NUP133: variants seen among roughly 807,000 people sequenced by gnomAD.
NUP133 encodes the protein nuclear pore complex protein Nup133.
Under a neutral mutation model 146.2 loss-of-function variants are expected in NUP133, and 66 were observed. The observed-to-expected ratio is 0.45, with a 90% CI of 0.37 to 0.55. NUP133 has a LOEUF of 0.55. Among genes scored for constraint, NUP133 ranks in the 20% least tolerant of loss-of-function variants. The pLI is 0.00. For synonymous variants in NUP133, 521 were observed against 498.8 expected (o/e 1.04, Z -0.59); for missense variants, 1,277 against 1,374.8 (o/e 0.93, Z 1.12).
intron 12 of NUP133, among the ~76,000 whole-genome samples, chr1:229,482,779 T>G (rs1487185168): frequency 6.6e-6 from 1 of 152,096 alleles, no homozygotes; most frequent in Non-Finnish European, 1.5e-5. Flanking sequence ...AAGCAAAGAC[T>G]TAAAGAGTGT....
chr1:229,508,031 C>T (rs1484926230), intron 1 of NUP133, 37 bp downstream of exon 1: 10 of 1,423,612 alleles, frequency 7.0e-6, no homozygotes, highest in Non-Finnish European at 8.3e-6. Context: ...GCCCGTGAGG[C>T]TGTTGGTTGC....
At chr1:229,442,986 C>A (rs1055049072) in intron 25 of NUP133, among the ~76,000 whole-genome samples, 1 of 152,072 alleles carries the variant, frequency 6.6e-6, no homozygotes, top group Admixed American at 6.6e-5. Flanking sequence ...GGATTACAGG[C>A]ATGAGCCACT....
At position 229,456,828 on chromosome 1, in the gene NUP133, CT is replaced by C. The variant is rs34793471; in HGVS notation, c.2980+1332del. Among the ~76,000 whole-genome samples the C allele has an allele frequency of 3.9e-3, 550 of 139,532 alleles. 2 individuals carry two copies. The highest frequency in any genetic ancestry group is 0.011 in the African/African-American group (407 of 38,294). 91.5% of individuals were successfully genotyped at this position (139,532 alleles called of 152,430 possible). On this transcript the variant is annotated intron_variant, in intron 21 of 25. Coordinates refer to ENST00000261396, the MANE Select transcript of NUP133 (RefSeq NM_018230.3). ...CTATCTACATATATATAGAGAGAGA[CT>C]TTTTTTTTTTTTTTCTGAGGCAGAG...
intron 16 of NUP133, among the ~76,000 whole-genome samples, 197 bp from the exon 17 acceptor site, chr1:229,465,716 C>G (rs1026870890): frequency 6.6e-6 from 1 of 151,688 alleles, no homozygotes; most frequent in Non-Finnish European, 1.5e-5. Context: ...TAGTGAGACC[C>G]CATCTGTACA....
At chr1:229,488,086 T>A (rs1175974730) in intron 9 of NUP133, among the ~76,000 whole-genome samples, 1 of 152,104 alleles carries the variant, frequency 6.6e-6, no homozygotes, top group Non-Finnish European at 1.5e-5. Flanking sequence ...CCTCAGGTGA[T>A]CCACCCACCT....
chr1:229,498,958 G>T (rs1458034851), intron 5 of NUP133, among the ~76,000 whole-genome samples: 1 of 152,060 alleles, frequency 6.6e-6, no homozygotes, highest in Non-Finnish European at 1.5e-5. Flanking sequence ...AAGTGCAGTG[G>T]TGAGATCATA....
rs532745725 is a variant in NUP133 at position 229,508,310 on chromosome 1, TGC to T, written c.-63_-62del. The T allele has an allele frequency of 1.1e-4, 146 of 1,289,468 alleles. No individual in the cohort carries two copies. The African/African-American group carries it at 2.1e-3, about 18-fold the overall frequency. 79.9% of individuals were successfully genotyped at this position (1,289,468 alleles called of 1,614,324 possible). A position where few individuals can be genotyped will look rare whatever the true frequency, so the allele number is the denominator to read the frequency against. On this transcript the variant is annotated 5_prime_UTR_variant, in exon 1 of 26. Transcript: ENST00000261396. ...CTGGCCGTCAGGTTGCAGCCTGGCC[TGC>T]GCGCGGAACTTAAACACCTAAGGGA...
rs1660322832 is a variant in NUP133 at position 229,447,311 on chromosome 1, A to G, written c.3245+1815T>C. On this transcript the variant is annotated intron_variant, in intron 24 of 25. Coordinates refer to ENST00000261396, the MANE Select transcript of NUP133 (RefSeq NM_018230.3). ...TACTAATGTAACCATTAAAATTTTC[A>G]TAATATGTATGTTACAATATGGTTA... Among the ~76,000 whole-genome samples the G allele has an allele frequency of 2.0e-5, 3 of 152,238 alleles. No homozygotes were observed. In the South Asian group the frequency reaches 6.2e-4, roughly 31 times the overall value.
chr1:229,449,169 C>T lies in NUP133; in HGVS notation c.3202G>A (p.Asp1068Asn). 2 of 1,610,268 alleles carry T rather than the reference C, an allele frequency of 1.2e-6. No homozygotes were observed. The highest frequency in any genetic ancestry group is 1.7e-6 in the Non-Finnish European group (2 of 1,177,522). ...TTGCAAAGGATTTCCAGTTTTAGAT[C>T]ATTTATATTTATATCTTCTTCCTTC... The part of the protein sequence containing the change: ...IDEEEDININ[D>N]LKLEILCKAL... Residue 1068 changes from aspartate (D) to asparagine (N), a missense_variant, in exon 24 of 26, where the codon GAT becomes AAT. This residue lies in a region of NUP133 where 952 missense variants were observed against 1,047.0 expected (regional missense o/e 0.91). Coordinates refer to ENST00000261396, the MANE Select transcript of NUP133 (RefSeq NM_018230.3).
In NUP133 at chr1:229,441,673, C is replaced by A; in HGVS notation, c.*231G>T. On this transcript the variant is annotated 3_prime_UTR_variant, in exon 26 of 26. Transcript: ENST00000261396. ...ACGTGAGAGTAAAAAGAAAGGGCAC[C>A]GAGTACAGGAACAACAACTGACACA... 2.4e-6 allele frequency: 1 copy of A among 414,926 alleles called. No homozygotes were observed. The highest frequency in any genetic ancestry group is 2.8e-5 in the South Asian group (1 of 36,222). 25.7% of individuals were successfully genotyped at this position (414,926 alleles called of 1,614,324 possible). A position where few individuals can be genotyped will look rare whatever the true frequency, so the allele number is the denominator to read the frequency against.
At chr1:229,485,921 T>C (rs1558103102) in intron 11 of NUP133, among the ~76,000 whole-genome samples, 1 of 152,172 alleles carries the variant, frequency 6.6e-6, no homozygotes, top group South Asian at 2.1e-4. Context: ...CCCAGCACTT[T>C]GGGAGGCCGA....
intron 12 of NUP133, among the ~76,000 whole-genome samples, chr1:229,479,712 C>T (rs1661163732): frequency 6.6e-6 from 1 of 152,136 alleles, no homozygotes; most frequent in Non-Finnish European, 1.5e-5. Context: ...ATATGTACTG[C>T]TGCTGGACAC....
chr1:229,456,099 T>C (rs1298934208), intron 21 of NUP133, among the ~76,000 whole-genome samples: 1 of 152,216 alleles, frequency 6.6e-6, no homozygotes, highest in Non-Finnish European at 1.5e-5. Context: ...GATTGTTCTC[T>C]TGTAATTAGA....
Position 229,477,717 on chromosome 1 carries a change from A to T in NUP133, c.1636T>A (p.Ser546Thr). Residue 546 changes from serine (S) to threonine (T), a missense_variant, in exon 13 of 26, where the codon TCC becomes ACC. Ser to Thr is a moderately conservative substitution (Grantham distance 58). Coordinates refer to ENST00000261396, the MANE Select transcript of NUP133 (RefSeq NM_018230.3). ...TCAGAATCCAAATCAGAGTGAGAGG[A>T]AAAGAGCTCATCAACCACCATTTGA... is the stretch of plus-strand genomic sequence containing the variant. ...HAQMVVDELF[S>T]SHSDLDSDSE... 1 of 1,613,760 alleles carries T rather than the reference A, an allele frequency of 6.2e-7. No homozygotes were observed.
chr1:229,445,842 T>C (rs1413173501), intron 24 of NUP133, among the ~76,000 whole-genome samples: 1 of 152,144 alleles, frequency 6.6e-6, no homozygotes, highest in Non-Finnish European at 1.5e-5. Context: ...AAGACTAAAC[T>C]TAACAGCAAT....
chr1:229,449,040 G>C, intron 24 of NUP133, 86 bp downstream of exon 24: 1 of 1,020,342 alleles, frequency 9.8e-7, no homozygotes, highest in Non-Finnish European at 1.5e-6. Flanking sequence ...GGTCACAGAA[G>C]TCTTCTGTTA....
At chr1:229,498,329 T>C (rs750965779) in intron 5 of NUP133, 23 bp from the exon 6 acceptor site, 2 of 1,525,196 alleles carry the variant, frequency 1.3e-6, no homozygotes, top group South Asian at 2.6e-5. Flanking sequence ...ATTATGAGGT[T>C]AGTTCAGTTT....
At chr1:229,467,020 A>G (rs1312694440) in intron 15 of NUP133, among the ~76,000 whole-genome samples, 1 of 152,172 alleles carries the variant, frequency 6.6e-6, no homozygotes, top group Admixed American at 6.5e-5. Context: ...ATTTTTTATT[A>G]TAGCTACTCT....
At chr1:229,459,301 T>C (rs1660640581) in intron 20 of NUP133, among the ~76,000 whole-genome samples, 1 of 152,126 alleles carries the variant, frequency 6.6e-6, no homozygotes, top group African/African-American at 2.4e-5. Context: ...TGTGGGTGGA[T>C]TGCTTGAGCC....
Sources: allele counts gnomAD v4.1 joint callset (sites outside exome capture counted in the v4.1 genomes callset), GRCh38; gene constraint gnomAD v4.1.1; regional missense constraint gnomAD v4.1.1; transcripts MANE v1.5; gene names NCBI Gene and HGNC (gene_info 2026-07-23, HGNC 2026-07-21).